KLHDC1: variants seen among roughly 807,000 people sequenced by gnomAD.
KLHDC1 encodes kelch domain-containing protein 1.
A neutral mutation model predicts 68.3 loss-of-function variants in KLHDC1; 53 were observed. The observed-to-expected ratio is 0.78, with a 90% CI of 0.62 to 0.98. KLHDC1 has a LOEUF of 0.98. Ranked by LOEUF, KLHDC1 falls within the 50% of genes least tolerant of loss-of-function variation. The pLI, the probability that KLHDC1 is intolerant of heterozygous loss-of-function variation, is 0.00. For missense variants in KLHDC1, 470 were observed against 492.3 expected, an observed-to-expected ratio of 0.95 and a Z score of 0.43; for synonymous variants, 148 against 159.0, an observed-to-expected ratio of 0.93 and a Z score of 0.52.
intron 4 of KLHDC1, among the ~76,000 whole-genome samples, chr14:49,719,404 A>ATTTATTTAT (rs1439569285): frequency 4.1e-5 from 6 of 148,124 alleles, no homozygotes; most frequent in Non-Finnish European, 8.9e-5. Context: ...TACAGGTTTT[A>ATTTATTTAT]TTTATTTATT....
At chr14:49,717,613 T>A (rs931572823) in intron 4 of KLHDC1, among the ~76,000 whole-genome samples, 1 of 152,206 alleles carries the variant, frequency 6.6e-6, no homozygotes, top group African/African-American at 2.4e-5. Context: ...TGTTGATCCC[T>A]TATCAGATAT....
chr14:49,738,223 C>A (rs1346133078), intron 10 of KLHDC1, among the ~76,000 whole-genome samples: 1 of 151,932 alleles, frequency 6.6e-6, no homozygotes, highest in Non-Finnish European at 1.5e-5. Context: ...CATGAACTAT[C>A]AGACCACTTC....
intron 4 of KLHDC1, among the ~76,000 whole-genome samples, chr14:49,717,173 A>G (rs1198980113): frequency 1.3e-5 from 2 of 152,212 alleles, no homozygotes; most frequent in Non-Finnish European, 2.9e-5. Flanking sequence ...GCTGCTATCA[A>G]TGTGGCATAT....
intron 1 of KLHDC1, among the ~76,000 whole-genome samples, chr14:49,701,086 A>G (rs1300833306): frequency 1.9e-4 from 29 of 152,226 alleles, no homozygotes; most frequent in Non-Finnish European, 3.8e-4. Context: ...CATCTCAAAA[A>G]AAAAAAGAAA....
At chr14:49,722,856 G>A (rs1888565101) in intron 4 of KLHDC1, among the ~76,000 whole-genome samples, 1 of 150,420 alleles carries the variant, frequency 6.6e-6, no homozygotes, top group Non-Finnish European at 1.5e-5. Context: ...GGAGGCCGAG[G>A]TGGGCAGATC....
chr14:49,729,307 A>G (rs1288529826), intron 7 of KLHDC1, among the ~76,000 whole-genome samples, 183 bp from the exon 8 acceptor site: 1 of 152,126 alleles, frequency 6.6e-6, no homozygotes, highest in Non-Finnish European at 1.5e-5. Flanking sequence ...TTCCCCTTTG[A>G]CACATTGATT....
Position 49,720,776 on chromosome 14 carries a change from G to A in KLHDC1, c.405-3098G>A, listed in dbSNP as rs146673558. ...CTTCCCATTCTTTCCTTTTCTTTAT[G>A]TTTTAATTTGGATATTTTTTGTGAA... On this transcript the variant is annotated intron_variant, in intron 4 of 12. Coordinates refer to ENST00000359332, the MANE Select transcript of KLHDC1 (RefSeq NM_172193.3). Among the ~76,000 whole-genome samples the A allele has an allele frequency of 5.3e-3, 805 of 151,870 alleles. 7 individuals are homozygous for A. The highest frequency in any genetic ancestry group is 0.019 in the African/African-American group (772 of 41,424).
At chr14:49,714,963 T>A (rs1329346498) in intron 4 of KLHDC1, among the ~76,000 whole-genome samples, 1 of 147,480 alleles carries the variant, frequency 6.8e-6, no homozygotes, top group African/African-American at 2.5e-5. Context: ...TTCATATATA[T>A]GGAAATTATA....
intron 4 of KLHDC1, among the ~76,000 whole-genome samples, chr14:49,721,094 G>A (rs1342867359): frequency 2.0e-5 from 3 of 151,966 alleles, no homozygotes; most frequent in Non-Finnish European, 4.4e-5. Context: ...TAATTCCATT[G>A]TCTAGACCAC....
intron 12 of KLHDC1, among the ~76,000 whole-genome samples, chr14:49,744,611 C>T (rs147745428): frequency 2.5e-3 from 378 of 152,024 alleles, no homozygotes; most frequent in African/African-American, 8.6e-3. Flanking sequence ...TAAACCTATG[C>T]CTATCCTACT....
rs1887611210 is a variant in KLHDC1, at chr14:49,693,143, C to T, written c.-52C>T. 2.7e-6 allele frequency: 4 copies of T among 1,501,714 alleles called. No homozygotes were observed. The highest frequency in any genetic ancestry group is 2.7e-6 in the Non-Finnish European group (3 of 1,110,858). The allele number at this position is 1,501,714 out of a possible 1,614,324, so 93.0% of individuals were successfully genotyped here. ...GCAGTCGGGGCTGGAGGCGAGGCCGCCGGGCGGGCAGGGGTTGTGGCGCGG... is the reference window on the plus strand; with the variant it reads ...GCAGTCGGGGCTGGAGGCGAGGCCGTCGGGCGGGCAGGGGTTGTGGCGCGG... On this transcript the variant is annotated 5_prime_UTR_variant, in exon 1 of 13. Coordinates refer to ENST00000359332, the MANE Select transcript of KLHDC1 (RefSeq NM_172193.3).
At chr14:49,727,180 G>A (rs776403328) in intron 6 of KLHDC1, among the ~76,000 whole-genome samples, 9 of 152,068 alleles carry the variant, frequency 5.9e-5, no homozygotes, top group African/African-American at 9.7e-5. Context: ...CCTGGGAGGC[G>A]GAGGTTGCAG....
chr14:49,711,750 T>C (rs1297810910), intron 4 of KLHDC1, among the ~76,000 whole-genome samples: 1 of 152,100 alleles, frequency 6.6e-6, no homozygotes, highest in Non-Finnish European at 1.5e-5. Context: ...TTGCTAATTA[T>C]TAAATTTTAT....
chr14:49,707,264 C>G (rs1888073467), intron 1 of KLHDC1, among the ~76,000 whole-genome samples: 1 of 120,598 alleles, frequency 8.3e-6, no homozygotes, highest in African/African-American at 3.3e-5. Flanking sequence ...CAACGCTTTT[C>G]TATTTTTATG....
chr14:49,717,579 C>A (rs771820956), intron 4 of KLHDC1, among the ~76,000 whole-genome samples: 2 of 152,058 alleles, frequency 1.3e-5, no homozygotes, highest in Non-Finnish European at 2.9e-5. Flanking sequence ...TGTTACGTTA[C>A]GGTAGTACTT....
Position 49,751,637 on chromosome 14 carries a change from ATCT to A in KLHDC1, c.1088_1090del (p.Ser363del). On this transcript the variant is annotated inframe_deletion, in exon 13 of 13. Transcript: ENST00000359332. Reference sequence around the variant, plus strand: ...ATTCTATCATGTTAGAAAGTCAGATATCTTTATTACCTCCTAAACTTCTGCAAC... The same window carrying A: ...ATTCTATCATGTTAGAAAGTCAGATATTATTACCTCCTAAACTTCTGCAAC... 7 of 1,598,500 alleles carry A rather than the reference ATCT, an allele frequency of 4.4e-6. No individual in the cohort carries two copies. The highest frequency in any genetic ancestry group is 6.0e-6 in the Non-Finnish European group (7 of 1,171,292).
intron 6 of KLHDC1, among the ~76,000 whole-genome samples, chr14:49,728,125 C>A (rs1350902083): frequency 6.6e-6 from 1 of 152,094 alleles, no homozygotes; most frequent in Non-Finnish European, 1.5e-5. Context: ...AGGTTTGAGA[C>A]CAGCCTGGAC....
In KLHDC1 at chr14:49,752,672, A is replaced by ACTGAATAT. The variant is rs1889343449; in HGVS notation, c.*905_*906insTATCTGAA. 1 of 152,148 alleles carries ACTGAATAT rather than the reference A, an allele frequency of 6.6e-6. No individual in the cohort carries two copies. The highest frequency in any genetic ancestry group is 1.5e-5 in the Non-Finnish European group (1 of 67,972). The allele number at this position is 152,148 out of a possible 1,614,324, so 9.4% of individuals were successfully genotyped here. ...CTACAGAGTTGTACTCAAGACAGATACTGAAAAAATCTAATACCTTCCCTT... is the reference window on the plus strand; with the variant it reads ...CTACAGAGTTGTACTCAAGACAGATACTGAATATCTGAAAAAATCTAATACCTTCCCTT... On this transcript the variant is annotated 3_prime_UTR_variant, in exon 13 of 13. Coordinates refer to ENST00000359332, the MANE Select transcript of KLHDC1 (RefSeq NM_172193.3).
chr14:49,713,585 A>G (rs1024390164), intron 4 of KLHDC1, among the ~76,000 whole-genome samples: 2 of 151,364 alleles, frequency 1.3e-5, no homozygotes, highest in Non-Finnish European at 2.9e-5. Flanking sequence ...AAAATCATGG[A>G]TTTGAAATAT....
Sources: allele counts gnomAD v4.1 joint callset (sites outside exome capture counted in the v4.1 genomes callset), GRCh38; gene constraint gnomAD v4.1.1; transcripts MANE v1.5; gene names NCBI Gene and HGNC (gene_info 2026-07-23, HGNC 2026-07-21).